The following GDPD4 variants were observed in gnomAD, a reference collection of about 807,000 sequenced individuals.
GDPD4 encodes the protein glycerophosphodiester phosphodiesterase 6.
In GDPD4, 60 loss-of-function variants were observed where a neutral mutation model predicts 67.8. The observed-to-expected ratio is 0.88, with a 90% CI of 0.72 to 1.10. The LOEUF is 1.10. GDPD4 is among the 50% of genes least tolerant of loss of function. The pLI is 0.00. For missense variants in GDPD4, 623 were observed against 613.9 expected, an observed-to-expected ratio of 1.01 and a Z score of -0.16; for synonymous variants, 212 against 210.9, an observed-to-expected ratio of 1.00 and a Z score of -0.04.
At chr11:77,269,366 G>A (rs950540687) in intron 8 of GDPD4, among the ~76,000 whole-genome samples, 1 of 152,156 alleles carries the variant, frequency 6.6e-6, no homozygotes, top group African/African-American at 2.4e-5. Context: ...GGAAGGAGAA[G>A]GGATGTCAAG....
At chr11:77,241,712 A>G (rs1262083584) in intron 13 of GDPD4, among the ~76,000 whole-genome samples, 1 of 148,754 alleles carries the variant, frequency 6.7e-6, no homozygotes, top group Non-Finnish European at 1.5e-5. Flanking sequence ...TGGGATGCCG[A>G]GGCGGGTGGA....
At chr11:77,244,558 G>C (rs184991261) in intron 12 of GDPD4, among the ~76,000 whole-genome samples, 13 of 152,226 alleles carry the variant, frequency 8.5e-5, no homozygotes, top group Middle Eastern at 3.4e-3. Context: ...CATCTTTGAG[G>C]CTGGGTGTGG....
At chr11:77,277,165 T>C (rs1959508280) in intron 4 of GDPD4, among the ~76,000 whole-genome samples, 1 of 151,544 alleles carries the variant, frequency 6.6e-6, no homozygotes, top group South Asian at 2.1e-4. Flanking sequence ...ATAAAAGTGG[T>C]ACAATTCAGT....
intron 5 of GDPD4, 41 bp from the exon 6 acceptor site, chr11:77,271,434 G>T: frequency 1.6e-6 from 2 of 1,230,524 alleles, no homozygotes; most frequent in South Asian, 1.2e-5. Context: ...TCAAGCACTA[G>T]GCTTGGATCA....
chr11:77,286,062 C>T (rs1279770944), intron 2 of GDPD4, among the ~76,000 whole-genome samples: 2 of 152,198 alleles, frequency 1.3e-5, no homozygotes, highest in African/African-American at 2.4e-5. Context: ...AACCACACAA[C>T]ATTGGACCCA....
At chr11:77,246,850 GC>G (rs1198258736) in intron 11 of GDPD4, among the ~76,000 whole-genome samples, 1 of 152,096 alleles carries the variant, frequency 6.6e-6, no homozygotes, top group East Asian at 1.9e-4. Context: ...ACATATGTTT[GC>G]TACATTAAAT....
chr11:77,263,310 A>C (rs1388308096), intron 10 of GDPD4, among the ~76,000 whole-genome samples: 1 of 152,234 alleles, frequency 6.6e-6, no homozygotes, highest in Non-Finnish European at 1.5e-5. Context: ...TGATAGCACC[A>C]GGTCATACTA....
intron 10 of GDPD4, among the ~76,000 whole-genome samples, chr11:77,264,205 TG>T (rs2135864949): frequency 6.6e-6 from 1 of 152,316 alleles, no homozygotes; most frequent in Non-Finnish European, 1.5e-5. Context: ...GCAAATAACT[TG>T]TTTACATTAC....
Position 77,224,742 on chromosome 11 carries a change from G to A in GDPD4, c.1525+3122C>T, listed in dbSNP as rs189732018. Among the ~76,000 whole-genome samples the A allele has an allele frequency of 4.6e-5, 7 of 152,310 alleles. No homozygotes were observed. In the East Asian group the frequency reaches 1.4e-3, roughly 29 times the overall value. On this transcript the variant is annotated intron_variant, in intron 16 of 16. Coordinates refer to ENST00000315938, the MANE Select transcript of GDPD4 (RefSeq NM_182833.3). ...AAGGAACTGTCTAACCCATGTCTGTGAGATAATACATTTGTATAGTGTTAA... is the reference window on the plus strand; with the variant it reads ...AAGGAACTGTCTAACCCATGTCTGTAAGATAATACATTTGTATAGTGTTAA...
intron 3 of GDPD4, 72 bp downstream of exon 3, chr11:77,285,013 T>G (rs373062450): frequency 1.9e-3 from 2,021 of 1,081,372 alleles, no homozygotes; most frequent in Non-Finnish European, 2.5e-3. Context: ...CTTTTCAGCC[T>G]GAGGTAGAAT....
intron 3 of GDPD4, among the ~76,000 whole-genome samples, chr11:77,283,966 C>T (rs1229572265): frequency 6.6e-6 from 1 of 151,702 alleles, no homozygotes; most frequent in African/African-American, 2.4e-5. Flanking sequence ...AGGGATCCTC[C>T]CACCTCAGCC....
intron 16 of GDPD4, among the ~76,000 whole-genome samples, chr11:77,222,184 G>GTCTC (rs1958240277): frequency 6.6e-6 from 1 of 152,168 alleles, no homozygotes; most frequent in African/African-American, 2.4e-5. Flanking sequence ...CAATTTGCCA[G>GTCTC]TCTGTGTCTT....
At position 77,290,131 on chromosome 11, in the gene GDPD4, G is replaced by A. The variant is rs146719192; in HGVS notation, c.-253-2711C>T. 1.9e-3 allele frequency among the ~76,000 whole-genome samples: 295 copies of A among 152,276 alleles called. 2 individuals are homozygous for A. Among genetic ancestry groups the A allele is most frequent in the African/African-American group, 6.9e-3 (286 of 41,550 alleles). ...GTCAAACTGCCAAAAGCCAAAGACA[G>A]AGAATTCCAAAAACAGCAAGAGAAA... On this transcript the variant is annotated intron_variant, in intron 1 of 16. Coordinates refer to ENST00000315938, the MANE Select transcript of GDPD4 (RefSeq NM_182833.3).
chr11:77,217,240 G>T lies in GDPD4; in HGVS notation c.*37C>A, dbSNP rs1349023643. 1.3e-6 allele frequency: 2 copies of T among 1,528,316 alleles called. No homozygotes were observed. 94.7% of individuals were successfully genotyped at this position (1,528,316 alleles called of 1,614,324 possible). ...GAGTCCAAGGACCTTCCACAACTCGGACAGGAGGTTTCATGGCTATGTGCA... is the reference window on the plus strand; with the variant it reads ...GAGTCCAAGGACCTTCCACAACTCGTACAGGAGGTTTCATGGCTATGTGCA... On this transcript the variant is annotated 3_prime_UTR_variant, in exon 17 of 17. Transcript: ENST00000315938.
chr11:77,216,609 A>ATATT lies in GDPD4; in HGVS notation c.*664_*667dup. On this transcript the variant is annotated 3_prime_UTR_variant, in exon 17 of 17. Transcript: ENST00000315938. ...TGCACAGTCACTCCTTTAGCAGAAA[A>ATATT]TATTATGGAGGTGTTAGGATGAGAT... 5.8e-6 allele frequency: 2 copies of ATATT among 347,172 alleles called. No homozygotes were observed. The highest frequency in any genetic ancestry group is 1.1e-5 in the Non-Finnish European group (2 of 188,252). The allele number at this position is 347,172 out of a possible 1,614,324, so 21.5% of individuals were successfully genotyped here.
chr11:77,276,709 T>C (rs183242439), intron 4 of GDPD4, among the ~76,000 whole-genome samples: 1 of 152,196 alleles, frequency 6.6e-6, no homozygotes, highest in East Asian at 1.9e-4. Flanking sequence ...ATTCAACAAA[T>C]CTTGGATTTT....
intron 16 of GDPD4, among the ~76,000 whole-genome samples, chr11:77,227,603 T>C (rs578040101): frequency 1.8e-4 from 27 of 152,318 alleles, no homozygotes; most frequent in Non-Finnish European, 2.9e-4. Flanking sequence ...TACATGAATA[T>C]ATGAAGAAGT....
intron 4 of GDPD4, 52 bp from the exon 5 acceptor site, chr11:77,276,272 A>G: frequency 7.2e-7 from 1 of 1,389,314 alleles, no homozygotes; most frequent in Admixed American, 1.7e-5. Flanking sequence ...CCAAGTTGCC[A>G]CCCAAAGCAC....
intron 16 of GDPD4, among the ~76,000 whole-genome samples, chr11:77,218,849 A>G (rs1438075752): frequency 1.8e-4 from 1 of 5,702 alleles, no homozygotes; most frequent in East Asian, 3.5e-3. Flanking sequence ...GCAATAAACA[A>G]TACGTGTGCA....
Sources: allele counts gnomAD v4.1 joint callset (sites outside exome capture counted in the v4.1 genomes callset), GRCh38; gene constraint gnomAD v4.1.1; transcripts MANE v1.5; gene names NCBI Gene and HGNC (gene_info 2026-07-23, HGNC 2026-07-21).